Variants in HDAC8 observed in about 807,000 individuals in gnomAD.
HDAC8 encodes histone deacetylase 8, also known as histone deacetylase-like 1.
Under a neutral mutation model 32.2 loss-of-function variants are expected in HDAC8, and 1 was observed. That is an observed-to-expected ratio of 0.03 (90% CI 0.01 to 0.15). The LOEUF (loss-of-function observed/expected upper bound fraction) is 0.15, where lower values mean the gene tolerates loss of function less well. Ranked by LOEUF, HDAC8 falls within the 10% of genes least tolerant of loss-of-function variation. The pLI, the probability that HDAC8 is intolerant of heterozygous loss-of-function variation, is 1.00. For synonymous variants in HDAC8, 108 were observed against 113.9 expected (o/e 0.95, Z 0.33); for missense variants, 117 against 300.0 (o/e 0.39, Z 4.51).
At chrX:72,404,308 A>T (rs1214881098) in intron 9 of HDAC8, among the ~76,000 whole-genome samples, 2 of 111,390 alleles carry the variant, frequency 1.8e-5, no homozygotes, top group African/African-American at 6.5e-5. Flanking sequence ...TAACATGCTT[A>T]CTTAATTTAA....
chrX:72,547,090 T>C lies in HDAC8; in HGVS notation c.437+20799A>G, dbSNP rs149638097. Among the ~76,000 whole-genome samples, 645 of 111,206 alleles carry C rather than the reference T, an allele frequency of 5.8e-3. 9 individuals carry two copies. Among genetic ancestry groups the C allele is most frequent in the Admixed American group, 0.038 (395 of 10,451 alleles). ...CAGACACAGTAGCTTTCCTTTCCTA[T>C]TTCGTTAGTTCCTACTCACTCCTCA... On this transcript the variant is annotated intron_variant, in intron 4 of 10. Coordinates refer to ENST00000373573, the MANE Select transcript of HDAC8 (RefSeq NM_018486.3).
intron 9 of HDAC8, among the ~76,000 whole-genome samples, chrX:72,451,175 A>G (rs1373949596): frequency 9.0e-6 from 1 of 110,898 alleles, no homozygotes; most frequent in Non-Finnish European, 1.9e-5. Context: ...GGCATATTAC[A>G]GTCGATGTTC....
intron 4 of HDAC8, among the ~76,000 whole-genome samples, chrX:72,542,345 C>T (rs187491622): frequency 2.0e-4 from 22 of 112,274 alleles, no homozygotes; most frequent in Non-Finnish European, 3.6e-4. Context: ...CATTTTCACA[C>T]TTTGAGGCTT....
intron 9 of HDAC8, among the ~76,000 whole-genome samples, chrX:72,460,902 C>T (rs1292539612): frequency 8.9e-6 from 1 of 112,081 alleles, no homozygotes; most frequent in African/African-American, 3.2e-5. Context: ...AGAAAAGAGA[C>T]TTCTATTAAC....
chrX:72,435,543 G>C (rs2046925719), intron 9 of HDAC8, among the ~76,000 whole-genome samples: 1 of 111,821 alleles, frequency 8.9e-6, no homozygotes, highest in Non-Finnish European at 1.9e-5. Flanking sequence ...GAAAAAAAGA[G>C]AAAGTATTAG....
chrX:72,370,146 G>A (rs782472038), intron 9 of HDAC8, among the ~76,000 whole-genome samples: 2 of 112,247 alleles, frequency 1.8e-5, no homozygotes, highest in East Asian at 5.6e-4. Flanking sequence ...GGGAATCTGG[G>A]ATGTCCAGAG....
rs782360185 is a variant in HDAC8, at chrX:72,568,981, G to A, written c.165-97C>T. On this transcript the variant is annotated intron_variant, in intron 2 of 10. Transcript: ENST00000373573. ...AGCCAGCAGTCTGAGAAGAAAATACGTCTCAACTTCTGGTTCCAATAGGCT... is the reference window on the plus strand; with the variant it reads ...AGCCAGCAGTCTGAGAAGAAAATACATCTCAACTTCTGGTTCCAATAGGCT... 75 of 896,668 alleles carry A rather than the reference G, an allele frequency of 8.4e-5. No homozygotes were observed. The Middle Eastern group carries it at 2.1e-3, about 25-fold the overall frequency. 73.9% of individuals were successfully genotyped at this position (896,668 alleles called of 1,213,427 possible).
At chrX:72,531,617 C>T (rs782327206) in intron 4 of HDAC8, among the ~76,000 whole-genome samples, 31 of 111,691 alleles carry the variant, frequency 2.8e-4, no homozygotes, top group Admixed American at 1.1e-3. Flanking sequence ...ATAACTACTC[C>T]CCATTTCTCC....
In HDAC8 at chrX:72,344,532, A is replaced by G. The variant is rs782301155; in HGVS notation, c.1111+7201T>C. On this transcript the variant is annotated intron_variant, in intron 10 of 10. Transcript: ENST00000373573. Reference sequence around the variant, plus strand: ...TCATGTCATCAAATTATCTTTTAAAATTTGCTTTTTAACTGGCTGCAACAA... The same window carrying G: ...TCATGTCATCAAATTATCTTTTAAAGTTTGCTTTTTAACTGGCTGCAACAA... 4.5e-5 allele frequency among the ~76,000 whole-genome samples: 5 copies of G among 112,257 alleles called. No individual in the cohort carries two copies. In the South Asian group the frequency reaches 1.9e-3, roughly 42 times the overall value.
intron 4 of HDAC8, among the ~76,000 whole-genome samples, chrX:72,532,459 A>T (rs1361275446): frequency 1.9e-5 from 2 of 104,556 alleles, no homozygotes; most frequent in Admixed American, 1.0e-4. Context: ...ATCCTCTTGA[A>T]TACTTGCTAG....
At chrX:72,438,946 T>A (rs1396672086) in intron 9 of HDAC8, among the ~76,000 whole-genome samples, 1 of 111,292 alleles carries the variant, frequency 9.0e-6, no homozygotes, top group African/African-American at 3.3e-5. Flanking sequence ...AACATTCAAA[T>A]TCAGGAAATA....
chrX:72,413,206 T>C (rs1307225571), intron 9 of HDAC8, among the ~76,000 whole-genome samples: 1 of 109,298 alleles, frequency 9.1e-6, no homozygotes, highest in African/African-American at 3.3e-5. Flanking sequence ...CATGTTGGTG[T>C]GCTGCACCCA....
intron 9 of HDAC8, among the ~76,000 whole-genome samples, chrX:72,445,914 G>A (rs2047376199): frequency 8.9e-6 from 1 of 112,152 alleles, no homozygotes; most frequent in African/African-American, 3.2e-5. Context: ...CATTTATGCA[G>A]CCAAAAAACA....
chrX:72,442,803 G>C (rs1271542845), intron 9 of HDAC8, among the ~76,000 whole-genome samples: 8 of 111,688 alleles, frequency 7.2e-5, no homozygotes, highest in African/African-American at 1.6e-4. Flanking sequence ...CTTACATGCA[G>C]AGACACACAT....
At chrX:72,567,844 C>T (rs1556138310) in intron 4 of HDAC8, 45 bp downstream of exon 4, 26 of 1,210,262 alleles carry the variant, frequency 2.1e-5, no homozygotes, top group Non-Finnish European at 2.8e-5. Context: ...AACTGAGAAA[C>T]TGACTCAAGG....
At chrX:72,417,717 G>A (rs1415787543) in intron 9 of HDAC8, among the ~76,000 whole-genome samples, 2 of 111,584 alleles carry the variant, frequency 1.8e-5, no homozygotes, top group Admixed American at 1.9e-4. Context: ...TAAAAACACT[G>A]TTCTAAAATT....
At chrX:72,505,094 T>G (rs1556018394) in intron 4 of HDAC8, among the ~76,000 whole-genome samples, 1 of 110,880 alleles carries the variant, frequency 9.0e-6, no homozygotes, top group Non-Finnish European at 1.9e-5. Context: ...TTTTTTAATT[T>G]TTTTTTTGCT....
At chrX:72,417,717 G>C (rs1415787543) in intron 9 of HDAC8, among the ~76,000 whole-genome samples, 1 of 111,584 alleles carries the variant, frequency 9.0e-6, no homozygotes, top group Non-Finnish European at 1.9e-5. Context: ...TAAAAACACT[G>C]TTCTAAAATT....
At chrX:72,439,855 A>G (rs1555980940) in intron 9 of HDAC8, among the ~76,000 whole-genome samples, 1 of 111,055 alleles carries the variant, frequency 9.0e-6, no homozygotes, top group South Asian at 3.8e-4. Context: ...AGAGATTTAG[A>G]CTCCCACACA....
Sources: gnomAD v4.1 joint callset for allele counts (sites outside exome capture counted in the v4.1 genomes callset) on GRCh38, gnomAD v4.1.1 for gene constraint, MANE v1.5 for transcripts, NCBI Gene and HGNC (gene_info 2026-07-23, HGNC 2026-07-21) for gene names.